Variants in TMEM114 observed in about 807,000 individuals in gnomAD.
TMEM114 encodes transmembrane protein 114, also known as claudin-26.
TMEM114 carries 6 observed loss-of-function variants against 6.2 expected under a neutral mutation model. The ratio of observed to expected loss-of-function variants is 0.97; its 90% confidence interval spans 0.53 to 1.91. The LOEUF (loss-of-function observed/expected upper bound fraction) is 1.91. Among genes scored for constraint, TMEM114 ranks in the 40% most tolerant of loss-of-function variants. The pLI is 0.01. For synonymous variants in TMEM114, 104 were observed against 73.0 expected, an observed-to-expected ratio of 1.42 and a Z score of -2.16; for missense variants, 218 against 158.3, an observed-to-expected ratio of 1.38 and a Z score of -2.02.
At chr16:8,549,319 A>G (rs1039874557) in intron 2 of TMEM114, among the ~76,000 whole-genome samples, 1 of 151,614 alleles carries the variant, frequency 6.6e-6, no homozygotes. Context: ...GGCCAACATG[A>G]CAAAACCCCG....
intron 2 of TMEM114, among the ~76,000 whole-genome samples, chr16:8,557,660 A>G (rs1901058572): frequency 6.6e-6 from 1 of 152,226 alleles, no homozygotes; most frequent in Non-Finnish European, 1.5e-5. Context: ...TCCCTTTTCC[A>G]GAACCAACTT....
chr16:8,588,180 A>G (rs1902373445), intron 2 of TMEM114, among the ~76,000 whole-genome samples: 1 of 151,558 alleles, frequency 6.6e-6, no homozygotes, highest in African/African-American at 2.4e-5. Flanking sequence ...TCAGCTACTC[A>G]GGAGGCTGAG....
chr16:8,589,840 G>T lies in TMEM114; in HGVS notation c.-2C>A, dbSNP rs1902431681. The T allele has an allele frequency of 7.5e-6, 3 of 397,608 alleles. No individual in the cohort carries two copies. The highest frequency in any genetic ancestry group is 6.2e-5 in the African/African-American group (3 of 48,510). The allele number at this position is 397,608 out of a possible 1,614,324, so 24.6% of individuals were successfully genotyped here. ...CAGCCCGCCCAGGTGCACCCGCATC[G>T]CCGAGCCCAGGACCAGCAGCCGCGG... On this transcript the variant is annotated 5_prime_UTR_variant, in exon 1 of 4. Coordinates refer to ENST00000620492, the MANE Select transcript of TMEM114 (RefSeq NM_001146336.2).
downstream of TMEM114, among the ~76,000 whole-genome samples, chr16:8,532,765 A>G (rs1018309717): frequency 6.6e-6 from 1 of 152,102 alleles, no homozygotes; most frequent in Non-Finnish European, 1.5e-5. Context: ...TCTACTAAAA[A>G]TACCAAAAAT....
intron 2 of TMEM114, among the ~76,000 whole-genome samples, chr16:8,564,251 GAGTGAATGAGTGATGAAATA>G (rs1405985370): frequency 0.073 from 857 of 11,712 alleles, 29 homozygotes; most frequent in African/African-American, 0.14. Flanking sequence ...ATGAGTGAGT[GAGTGAATGAGTGATGAAATA>G]AGTGAATGAG....
Position 8,589,694 on chromosome 16 carries a change from C to T in TMEM114, c.145G>A (p.Asp49Asn). 1 of 398,624 alleles carries T rather than the reference C, an allele frequency of 2.5e-6. No homozygotes were observed. The highest frequency in any genetic ancestry group is 4.4e-6 in the Non-Finnish European group (1 of 226,104). 24.7% of individuals were successfully genotyped at this position (398,624 alleles called of 1,614,324 possible). A position where few individuals can be genotyped will look rare whatever the true frequency, so the allele number is the denominator to read the frequency against. The change falls in exon 1 of 4, where the codon GAC becomes AAC. Residue 49 changes from aspartate (D) to asparagine (N), a missense_variant. By Grantham distance (23) the Asp-to-Asn change is conservative. Transcript: ENST00000620492. The part of the protein sequence containing the change: ...RLERTGPGAQ[D>N]LLGSINRSQP... The stretch of plus-strand genomic sequence containing the variant: ...CTGCGATTGATGGACCCCAGCAGGT[C>T]CTGCGCCCCCGGGCCAGTCCTCTCC...
intron 2 of TMEM114, among the ~76,000 whole-genome samples, chr16:8,563,933 G>A (rs542584045): frequency 1.4e-5 from 2 of 147,380 alleles, no homozygotes; most frequent in African/African-American, 5.0e-5. Context: ...AAATGAGTGA[G>A]TGAACGAGTA....
chr16:8,583,662 T>G (rs1337587451), intron 2 of TMEM114, among the ~76,000 whole-genome samples: 1 of 151,822 alleles, frequency 6.6e-6, no homozygotes, highest in Non-Finnish European at 1.5e-5. Flanking sequence ...GCAGGAGAAT[T>G]GCTTGAGCCT....
intron 2 of TMEM114, among the ~76,000 whole-genome samples, chr16:8,573,574 GTT>G (rs35282264): frequency 1.3e-5 from 2 of 149,882 alleles, no homozygotes; most frequent in Non-Finnish European, 3.0e-5. Flanking sequence ...CAAGTGCAAA[GTT>G]TTTTTTTTAT....
chr16:8,553,311 C>T (rs952974701), intron 2 of TMEM114, among the ~76,000 whole-genome samples: 2 of 152,296 alleles, frequency 1.3e-5, no homozygotes, highest in African/African-American at 4.8e-5. Flanking sequence ...CGGGTGGTCC[C>T]TGTGGGTGTC....
At chr16:8,560,139 C>T (rs1901152313) in intron 2 of TMEM114, among the ~76,000 whole-genome samples, 1 of 152,046 alleles carries the variant, frequency 6.6e-6, no homozygotes, top group African/African-American at 2.4e-5. Context: ...ACTACAGGTG[C>T]ACACCACCAT....
chr16:8,567,279 T>C (rs193191384), downstream of TMEM114, among the ~76,000 whole-genome samples: 205 of 152,264 alleles, frequency 1.3e-3, 1 homozygote, highest in African/African-American at 4.8e-3. Context: ...TATTGGTTCA[T>C]GGGTTTATCA....
At chr16:8,535,395 G>C (rs1596462737), downstream of TMEM114, among the ~76,000 whole-genome samples, 1 of 152,014 alleles carries the variant, frequency 6.6e-6, no homozygotes, top group East Asian at 1.9e-4. Context: ...CCAGGGTACA[G>C]AGCTTCATCG....
At chr16:8,541,313 A>G (rs1161616149) in intron 2 of TMEM114, among the ~76,000 whole-genome samples, 1 of 152,172 alleles carries the variant, frequency 6.6e-6, no homozygotes, top group Non-Finnish European at 1.5e-5. Flanking sequence ...GCATCATACA[A>G]TTTGTCATAC....
chr16:8,533,271 A>T (rs1387589836), downstream of TMEM114, among the ~76,000 whole-genome samples: 1 of 152,238 alleles, frequency 6.6e-6, no homozygotes, highest in Non-Finnish European at 1.5e-5. Flanking sequence ...CAGACATTTG[A>T]TAGAACATCT....
chr16:8,551,292 A>C (rs1018689436), intron 2 of TMEM114, among the ~76,000 whole-genome samples: 3 of 152,208 alleles, frequency 2.0e-5, no homozygotes, highest in African/African-American at 7.2e-5. Context: ...AGACCCTCTG[A>C]AAAGCCTGTT....
In TMEM114 at chr16:8,572,156, C is replaced by A; in HGVS notation, c.370G>T (p.Gly124Trp). 2 of 1,551,584 alleles carry A rather than the reference C, an allele frequency of 1.3e-6. No homozygotes were observed. Among genetic ancestry groups the A allele is most frequent in the East Asian group, 4.9e-5 (2 of 40,912 alleles). ...LILMVFGGMTGFLSFLLQAYL... is the reference protein window; with the variant it reads ...LILMVFGGMTWFLSFLLQAYL... ...GCTTGGAGGAGGAAGCTCAGAAACC[C>A]CGTCATCCCCCCAAAAACCATCAGG... is the stretch of plus-strand genomic sequence containing the variant. Residue 124 changes from glycine to tryptophan, a missense_variant, in exon 3 of 4, where the codon GGG (glycine) becomes TGG (tryptophan). Gly to Trp is a radical substitution (Grantham distance 184). Transcript: ENST00000620492.
intron 2 of TMEM114, among the ~76,000 whole-genome samples, chr16:8,541,897 A>G (rs1900525898): frequency 6.6e-6 from 1 of 152,190 alleles, no homozygotes; most frequent in African/African-American, 2.4e-5. Context: ...AAGACGTAGC[A>G]CAGGCTCCAA....
chr16:8,545,169 G>T (rs901920886), intron 2 of TMEM114, among the ~76,000 whole-genome samples: 1 of 152,102 alleles, frequency 6.6e-6, no homozygotes, highest in Non-Finnish European at 1.5e-5. Flanking sequence ...CAGGCTCAAT[G>T]GCTCACACCT....
Sources: gnomAD v4.1 joint callset for allele counts (sites outside exome capture counted in the v4.1 genomes callset) on GRCh38, gnomAD v4.1.1 for gene constraint, MANE v1.5 for transcripts, NCBI Gene and HGNC (gene_info 2026-07-23, HGNC 2026-07-21) for gene names.